Variants in MCF2L2 observed in about 807,000 individuals in gnomAD.
The protein encoded by MCF2L2 is probable guanine nucleotide exchange factor MCF2L2.
A neutral mutation model predicts 150.2 loss-of-function variants in MCF2L2; 102 were observed. That is an observed-to-expected ratio of 0.68 (90% confidence interval 0.58 to 0.80). MCF2L2 has a LOEUF of 0.80. Ranked by LOEUF, MCF2L2 falls within the 30% of genes least tolerant of loss-of-function variation. The pLI, the probability that MCF2L2 is intolerant of heterozygous loss-of-function variation, is 0.00. For synonymous variants in MCF2L2, 465 were observed against 491.3 expected, an observed-to-expected ratio of 0.95 and a Z score of 0.71; for missense variants, 1,256 against 1,372.8, an observed-to-expected ratio of 0.91 and a Z score of 1.34.
At chr3:183,286,553 C>T (rs149248010) in intron 14 of MCF2L2, among the ~76,000 whole-genome samples, 17 of 152,074 alleles carry the variant, frequency 1.1e-4, no homozygotes, top group Non-Finnish European at 1.9e-4. Flanking sequence ...TTTTTTTGAA[C>T]CTATCTTTTT....
chr3:183,318,297 T>G lies in MCF2L2; in HGVS notation c.604-80A>C, dbSNP rs926364295. 1.6e-5 allele frequency: 24 copies of G among 1,485,202 alleles called. No homozygotes were observed. In the East Asian group the frequency reaches 5.4e-4, roughly 34 times the overall value. 92.0% of individuals were successfully genotyped at this position (1,485,202 alleles called of 1,614,324 possible). A position where few individuals can be genotyped will look rare whatever the true frequency, so the allele number is the denominator to read the frequency against. On this transcript the variant is annotated intron_variant, in intron 6 of 29. Transcript: ENST00000328913. The stretch of plus-strand genomic sequence containing the variant: ...TGTCTTGATGGAAAGACAACAGATT[T>G]AGTTGATAAAATTAGTGAATAATCA...
rs939024353 is a variant in MCF2L2 at position 183,283,935 on chromosome 3, C to T, written c.1776+5185G>A. On this transcript the variant is annotated intron_variant, in intron 14 of 29. Coordinates refer to ENST00000328913, the MANE Select transcript of MCF2L2 (RefSeq NM_015078.4). The surrounding 1 kb of genome is among the most constrained non-coding windows in gnomAD (Gnocchi z 4.2). ...TTATATATTCCTTTTACTGTAGAAACGTCATTCTGCTTTATATTATAAATT... is the reference window on the plus strand; with the variant it reads ...TTATATATTCCTTTTACTGTAGAAATGTCATTCTGCTTTATATTATAAATT... Among the ~76,000 whole-genome samples, 4 of 152,142 alleles carry T rather than the reference C, an allele frequency of 2.6e-5. No homozygotes were observed. Among genetic ancestry groups the T allele is most frequent in the Admixed American group, 6.5e-5 (1 of 15,274 alleles).
chr3:183,397,790 G>A (rs1714544032), intron 1 of MCF2L2, among the ~76,000 whole-genome samples: 1 of 152,048 alleles, frequency 6.6e-6, no homozygotes, highest in African/African-American at 2.4e-5. Flanking sequence ...GATTTCTAAG[G>A]TAATATTAAC....
intron 23 of MCF2L2, 101 bp from the exon 24 acceptor site, chr3:183,206,315 T>C (rs1722471636): frequency 1.2e-6 from 1 of 858,144 alleles, no homozygotes; most frequent in Admixed American, 2.0e-5. Context: ...GACAGCTCTC[T>C]TCTTTCATCT....
intron 15 of MCF2L2, among the ~76,000 whole-genome samples, chr3:183,232,256 A>G (rs1254144136): frequency 2.6e-5 from 4 of 152,176 alleles, no homozygotes; most frequent in South Asian, 2.1e-4. Context: ...AGTTGCAAGG[A>G]ACCGAGTCCT....
chr3:183,312,974 G>A (rs1729447108), intron 7 of MCF2L2, among the ~76,000 whole-genome samples: 1 of 152,144 alleles, frequency 6.6e-6, no homozygotes. Flanking sequence ...TTTTGCCTGG[G>A]AATCAGGCAT....
chr3:183,394,972 A>G (rs1469181460), intron 1 of MCF2L2, among the ~76,000 whole-genome samples: 1 of 152,182 alleles, frequency 6.6e-6, no homozygotes, highest in Non-Finnish European at 1.5e-5. Context: ...TACTTTATAT[A>G]TGCAACCTCA....
At chr3:183,282,221 C>G (rs1727532264) in intron 14 of MCF2L2, among the ~76,000 whole-genome samples, 2 of 151,270 alleles carry the variant, frequency 1.3e-5, no homozygotes, top group Non-Finnish European at 2.9e-5. Flanking sequence ...TGCTGTCGCC[C>G]AGGCTGTGGT....
chr3:183,181,322 C>T lies in MCF2L2; in HGVS notation c.3017-1163G>A, dbSNP rs184850985. Among the ~76,000 whole-genome samples, 238 of 151,770 alleles carry T rather than the reference C, an allele frequency of 1.6e-3. No individual in the cohort carries two copies. Among genetic ancestry groups the T allele is most frequent in the African/African-American group, 5.3e-3 (220 of 41,362 alleles). The stretch of plus-strand genomic sequence containing the variant: ...GGGGGCTGTGTGAGTAACATGGGGG[C>T]GGGGGGGCAGCTGGGCAGCACCTCC... On this transcript the variant is annotated intron_variant, in intron 27 of 29. Transcript: ENST00000328913. The surrounding 1 kb of genome is among the most constrained non-coding windows in gnomAD (Gnocchi z 4.3).
chr3:183,189,988 A>G (rs1183104480), intron 27 of MCF2L2, among the ~76,000 whole-genome samples: 1 of 152,162 alleles, frequency 6.6e-6, no homozygotes, highest in East Asian at 1.9e-4. Flanking sequence ...TTACCAGCCC[A>G]GTCTGCCTCT....
chr3:183,379,189 C>T (rs2108586699), intron 3 of MCF2L2, 108 bp downstream of exon 3: 1 of 714,252 alleles, frequency 1.4e-6, no homozygotes, highest in East Asian at 3.0e-5. Context: ...TTATGCATAC[C>T]AGGGTACACC....
chr3:183,300,261 G>C, intron 10 of MCF2L2, 65 bp from the exon 11 acceptor site: 1 of 1,398,440 alleles, frequency 7.2e-7, no homozygotes, highest in South Asian at 1.4e-5. Flanking sequence ...AGAGCTGCCT[G>C]GTACTGTGTG....
intron 22 of MCF2L2, among the ~76,000 whole-genome samples, chr3:183,214,293 T>C (rs1277920632): frequency 6.6e-6 from 1 of 152,204 alleles, no homozygotes; most frequent in Non-Finnish European, 1.5e-5. Context: ...GAAGAATTAT[T>C]ACCAAGAAAA....
At chr3:183,244,099 G>A (rs531398394) in intron 15 of MCF2L2, among the ~76,000 whole-genome samples, 7 of 151,946 alleles carry the variant, frequency 4.6e-5, no homozygotes, top group Admixed American at 6.6e-5. Context: ...ACTCCAGCCC[G>A]GGTGACAGAG....
intron 15 of MCF2L2, among the ~76,000 whole-genome samples, chr3:183,246,864 A>T (rs1432051519): frequency 6.6e-6 from 1 of 152,058 alleles, no homozygotes; most frequent in Non-Finnish European, 1.5e-5. Context: ...TTCTTTTTTT[A>T]AAAAAACGTA....
intron 1 of MCF2L2, chr3:183,400,523 G>A (rs368260837): frequency 2.2e-5 from 10 of 455,020 alleles, no homozygotes; most frequent in African/African-American, 4.0e-5. Context: ...CACCTCGCTC[G>A]CTCTCCATTT....
intron 1 of MCF2L2, among the ~76,000 whole-genome samples, chr3:183,410,155 C>CTATTTAATTTAATT (rs1715249769): frequency 2.6e-5 from 4 of 152,174 alleles, no homozygotes; most frequent in Non-Finnish European, 5.9e-5. Context: ...TAGCTTTCCC[C>CTATTTAATTTAATT]TCTCCATCTA....
intron 25 of MCF2L2, among the ~76,000 whole-genome samples, chr3:183,205,269 C>T (rs112020974): frequency 0.063 from 9,627 of 152,028 alleles, 412 homozygotes; most frequent in East Asian, 0.11. Flanking sequence ...CCCAGCTATT[C>T]GGGAGGCTGA....
intron 3 of MCF2L2, 25 bp downstream of exon 3, chr3:183,379,272 C>A: frequency 6.5e-7 from 1 of 1,545,360 alleles, no homozygotes; most frequent in South Asian, 1.2e-5. Flanking sequence ...GTGCCTAAGG[C>A]GGCAGGACAC....
Sources: allele counts gnomAD v4.1 joint callset (sites outside exome capture counted in the v4.1 genomes callset), GRCh38; gene constraint gnomAD v4.1.1; non-coding constraint Gnocchi (gnomAD v3.1); transcripts MANE v1.5; gene names NCBI Gene and HGNC (gene_info 2026-07-23, HGNC 2026-07-21).